Variants in PRR12 observed in about 807,000 individuals in gnomAD.
PRR12 encodes proline-rich protein 12.
PRR12 carries 12 observed loss-of-function variants against 138.0 expected under a neutral mutation model. That is an observed-to-expected ratio of 0.09 (90% confidence interval 0.06 to 0.14). PRR12 has a LOEUF of 0.14. Among genes scored for constraint, PRR12 ranks in the 10% least tolerant of loss-of-function variants. The probability of loss-of-function intolerance (pLI) is 1.00; values close to 1 mark genes in which losing one functional copy is unlikely to be tolerated. For missense variants in PRR12, 2,692 were observed against 2,861.3 expected, an observed-to-expected ratio of 0.94 and a Z score of 1.35; for synonymous variants, 1,567 against 1,291.7, an observed-to-expected ratio of 1.21 and a Z score of -4.57.
At chr19:49,600,962 T>G (rs1352814399) in intron 5 of PRR12, among the ~76,000 whole-genome samples, 1 of 152,096 alleles carries the variant, frequency 6.6e-6, no homozygotes, top group East Asian at 1.9e-4. Flanking sequence ...TGACCTCAAG[T>G]GATCCACCCA....
At chr19:49,605,367 A>G (rs1039284135) in intron 6 of PRR12, among the ~76,000 whole-genome samples, 1 of 151,908 alleles carries the variant, frequency 6.6e-6, no homozygotes, top group Middle Eastern at 3.2e-3. Context: ...GGTTCAAGCG[A>G]TTCTCCTGCC....
At chr19:49,606,213 T>G (rs2080837141) in intron 6 of PRR12, among the ~76,000 whole-genome samples, 1 of 151,996 alleles carries the variant, frequency 6.6e-6, no homozygotes, top group Non-Finnish European at 1.5e-5. Context: ...TCTGTTGTCC[T>G]GGCTGGTCTT....
At position 49,616,081 on chromosome 19, in the gene PRR12, A is replaced by C; in HGVS notation, c.5359A>C (p.Thr1787Pro). 1.9e-6 allele frequency: 3 copies of C among 1,568,700 alleles called. No individual in the cohort carries two copies. The highest frequency in any genetic ancestry group is 2.6e-6 in the Non-Finnish European group (3 of 1,157,530). The change falls in exon 9 of 14, where the codon ACC (threonine) becomes CCC (proline). Residue 1787 changes from threonine (T) to proline (P), a missense_variant. Thr to Pro is a conservative substitution (Grantham distance 38). This residue lies in a region of PRR12 where 259 missense variants were observed against 265.1 expected (regional missense o/e 0.98). Coordinates refer to ENST00000418929, the MANE Select transcript of PRR12 (RefSeq NM_020719.3). This position sits in a 1 kb window ranked among gnomAD's most constrained non-coding sequence, Gnocchi z 4.2. ...ATSRLPKARP[T>P]KVKAEPPPKK... is the part of the protein sequence containing the mutation. Reference sequence around the variant, plus strand: ...ATCCCGGCTGCCCAAAGCCCGGCCTACCAAGGTGAAGGCTGAACCGCCCCC... The same window carrying C: ...ATCCCGGCTGCCCAAAGCCCGGCCTCCCAAGGTGAAGGCTGAACCGCCCCC...
At chr19:49,615,373 C>G (rs2080886400) in intron 8 of PRR12, among the ~76,000 whole-genome samples, 1 of 150,408 alleles carries the variant, frequency 6.6e-6, no homozygotes, top group South Asian at 2.2e-4. Flanking sequence ...GACAGAGACC[C>G]AGAGACGGGA....
Position 49,598,031 on chromosome 19 carries a change from C to T in PRR12, c.3678+18C>T, listed in dbSNP as rs73586553. ...CACTTAAGGTGAGGGGAAATGGGGTCTTGTAGGGGATAGGGGAGGAGGAGC... is the reference window on the plus strand; with the variant it reads ...CACTTAAGGTGAGGGGAAATGGGGTTTTGTAGGGGATAGGGGAGGAGGAGC... On this transcript the variant is annotated intron_variant, in intron 4 of 13. Coordinates refer to ENST00000418929, the MANE Select transcript of PRR12 (RefSeq NM_020719.3). The T allele has an allele frequency of 4.7e-3, 6,326 of 1,331,928 alleles. 279 individuals carry two copies. In the African/African-American group the frequency reaches 0.088, roughly 19 times the overall value. The allele number at this position is 1,331,928 out of a possible 1,614,324, so 82.5% of individuals were successfully genotyped here. A position where few individuals can be genotyped will look rare whatever the true frequency, so the allele number is the denominator to read the frequency against.
rs774901947 is a variant in PRR12 at position 49,596,592 on chromosome 19, G to A, written c.2257G>A (p.Ala753Thr). Reference protein sequence around the residue: ...ATSVVHYGAGAKELGAFLQKS... With the variant: ...ATSVVHYGAGTKELGAFLQKS... ...CTCTGTTGTCCACTACGGGGCAGGCGCCAAGGAGCTGGGGGCCTTCTTGCA... is the reference window on the plus strand; with the variant it reads ...CTCTGTTGTCCACTACGGGGCAGGCACCAAGGAGCTGGGGGCCTTCTTGCA... The change falls in exon 4 of 14, where the codon GCC (alanine) becomes ACC (threonine). Residue 753 changes from alanine to threonine, a missense_variant. Ala to Thr is a moderately conservative substitution (Grantham distance 58, BLOSUM62 0). Transcript: ENST00000418929. This position sits in a 1 kb window ranked among gnomAD's most constrained non-coding sequence, Gnocchi z 5.6. 25 of 1,594,698 alleles carry A rather than the reference G, an allele frequency of 1.6e-5. No individual in the cohort carries two copies. The highest frequency in any genetic ancestry group is 9.0e-5 in the South Asian group (8 of 88,966).
Position 49,596,609 on chromosome 19 carries a change from C to G in PRR12, c.2274C>G (p.Ala758=). 6.3e-7 allele frequency: 1 copy of G among 1,593,912 alleles called. No homozygotes were observed. Among genetic ancestry groups the G allele is most frequent in the Non-Finnish European group, 8.5e-7 (1 of 1,170,866 alleles). ...GGGCAGGCGCCAAGGAGCTGGGGGC[C>G]TTCTTGCAAAAGAGCCCTCCGCCCC... The part of the protein sequence containing the change: ...HYGAGAKELG[A]FLQKSPPPPP... The change falls in exon 4 of 14, where the codon GCC becomes GCG. Residue 758 remains alanine, a synonymous_variant. Transcript: ENST00000418929. The surrounding 1 kb of genome is among the most constrained non-coding windows in gnomAD (Gnocchi z 5.6).
In PRR12 at chr19:49,610,340, C is replaced by T. The variant is rs368178192; in HGVS notation, c.4774-4193C>T. ...TGTCTGTAGCTCAGTGGCTTACATC[C>T]GCACTGCTTACACCACATGTCTTAG... On this transcript the variant is annotated intron_variant, in intron 6 of 13. Coordinates refer to ENST00000418929, the MANE Select transcript of PRR12 (RefSeq NM_020719.3). Among the ~76,000 whole-genome samples the T allele has an allele frequency of 8.7e-4, 133 of 152,212 alleles. 1 individual carries two copies. Among genetic ancestry groups the T allele is most frequent in the African/African-American group, 2.4e-3 (98 of 41,532 alleles).
intron 4 of PRR12, 122 bp downstream of exon 4, chr19:49,598,135 A>G (rs962839891): frequency 6.3e-5 from 69 of 1,102,984 alleles, no homozygotes; most frequent in African/African-American, 9.9e-5. Flanking sequence ...GTGCAGTGGC[A>G]CGATCTCGGT....
rs1204758087 is a variant in PRR12 at position 49,625,895 on chromosome 19, AC to A, written c.*295del. 4 of 217,752 alleles carry A rather than the reference AC, an allele frequency of 1.8e-5. No individual in the cohort carries two copies. The highest frequency in any genetic ancestry group is 1.7e-5 in the Non-Finnish European group (2 of 115,010). The allele number at this position is 217,752 out of a possible 1,614,324, so 13.5% of individuals were successfully genotyped here. The stretch of plus-strand genomic sequence containing the variant: ...ACGGTTTCCCTCTCCCCTTGCCCCG[AC>A]CCCCCCTCCACAGCCACAGCCCCCG... On this transcript the variant is annotated 3_prime_UTR_variant, in exon 14 of 14. Transcript: ENST00000418929. This position sits in a 1 kb window ranked among gnomAD's most constrained non-coding sequence, Gnocchi z 5.5.
In PRR12 at chr19:49,595,438, C is replaced by T. The variant is rs924241493; in HGVS notation, c.1103C>T (p.Ala368Val). 6.5e-7 allele frequency: 1 copy of T among 1,547,298 alleles called. No homozygotes were observed. The highest frequency in any genetic ancestry group is 8.7e-7 in the Non-Finnish European group (1 of 1,146,464). The change falls in exon 4 of 14, where the codon GCA becomes GTA. Residue 368 changes from alanine to valine, a missense_variant. This residue lies in a region of PRR12 where 523 missense variants were observed against 496.4 expected (regional missense o/e 1.05). Transcript: ENST00000418929. ...ASGRATGPEAAGGGGAGGGGG... is the reference protein window; with the variant it reads ...ASGRATGPEAVGGGGAGGGGG... ...GGCCGGGCCACGGGCCCTGAGGCAG[C>T]AGGGGGCGGTGGGGCTGGGGGTGGT...
chr19:49,591,723 G>T lies in PRR12; in HGVS notation c.69G>T (p.Glu23Asp). Residue 23 changes from glutamate (E) to aspartate (D), a missense_variant, in exon 1 of 14, where the codon GAG becomes GAT. Glu to Asp is a conservative substitution (Grantham distance 45). Around this residue, in one of 11 missense-constraint regions of PRR12, gnomAD observed 211 missense variants for 266.3 expected, o/e 0.79. Transcript: ENST00000418929. ...PLGAGAGWSY[E>D]RSAKASLVYG... ...GCGCCGGGGCGGGATGGAGTTACGAGAGGTCAGCGAAAGCTAGGTAAGGAG... is the reference window on the plus strand; with the variant it reads ...GCGCCGGGGCGGGATGGAGTTACGATAGGTCAGCGAAAGCTAGGTAAGGAG... The T allele has an allele frequency of 6.6e-7, 1 of 1,503,812 alleles. No individual in the cohort carries two copies. Among genetic ancestry groups the T allele is most frequent in the Admixed American group, 2.3e-5 (1 of 44,062 alleles). The allele number at this position is 1,503,812 out of a possible 1,614,324, so 93.2% of individuals were successfully genotyped here. A position where few individuals can be genotyped will look rare whatever the true frequency, so the allele number is the denominator to read the frequency against.
chr19:49,595,158 C>G lies in PRR12; in HGVS notation c.823C>G (p.Pro275Ala). 6.2e-7 allele frequency: 1 copy of G among 1,610,968 alleles called. No homozygotes were observed. ...TAACTTCTCGGGTGCTGCCCCGGGC[C>G]CACCGCCGCCTGAGCGGGCCCTGCC... ...LYNFSGAAPG[P>A]PPPERALPRQ... Residue 275 changes from proline to alanine, a missense_variant, in exon 4 of 14, where the codon CCA becomes GCA. Pro to Ala is a conservative substitution (Grantham distance 27, BLOSUM62 -1). This residue lies in a region of PRR12 where 523 missense variants were observed against 496.4 expected (regional missense o/e 1.05). Transcript: ENST00000418929.
chr19:49,610,013 C>T (rs1446008444), intron 6 of PRR12, among the ~76,000 whole-genome samples: 2 of 150,742 alleles, frequency 1.3e-5, no homozygotes, highest in East Asian at 2.0e-4. Context: ...TCGCTCTTGT[C>T]CCCCAGACTG....
chr19:49,619,236 T>TTTG (rs1434214785), intron 9 of PRR12, among the ~76,000 whole-genome samples: 64 of 144,962 alleles, frequency 4.4e-4, no homozygotes, highest in Middle Eastern at 3.5e-3. Context: ...TTTTTTTTTT[T>TTTG]TTTTTTTTTT....
At chr19:49,606,474 G>C (rs182629266) in intron 6 of PRR12, among the ~76,000 whole-genome samples, 1 of 151,320 alleles carries the variant, frequency 6.6e-6, no homozygotes, top group Non-Finnish European at 1.5e-5. Context: ...ACCACGTCAG[G>C]CTAATTTTTG....
rs1449836912 is a variant in PRR12 at position 49,616,055 on chromosome 19, C to T, written c.5333C>T (p.Thr1778Ile). Residue 1778 changes from threonine (T) to isoleucine (I), a missense_variant, in exon 9 of 14, where the codon ACA becomes ATA. Transcript: ENST00000418929. This position sits in a 1 kb window ranked among gnomAD's most constrained non-coding sequence, Gnocchi z 4.2. Reference sequence around the variant, plus strand: ...AGTCTCGCCACGGGACAACCTGCCACATCCCGGCTGCCCAAAGCCCGGCCT... The same window carrying T: ...AGTCTCGCCACGGGACAACCTGCCATATCCCGGCTGCCCAAAGCCCGGCCT... ...ERSLATGQPA[T>I]SRLPKARPTK... The T allele has an allele frequency of 1.9e-6, 3 of 1,562,084 alleles. No individual in the cohort carries two copies. Among genetic ancestry groups the T allele is most frequent in the Non-Finnish European group, 2.6e-6 (3 of 1,153,830 alleles).
Position 49,597,057 on chromosome 19 carries a change from G to A in PRR12, c.2722G>A (p.Asp908Asn). Residue 908 changes from aspartate (D) to asparagine (N), a missense_variant, in exon 4 of 14, where the codon GAT becomes AAT. Around this residue, in one of 11 missense-constraint regions of PRR12, gnomAD observed 840 missense variants for 689.8 expected, o/e 1.22. Coordinates refer to ENST00000418929, the MANE Select transcript of PRR12 (RefSeq NM_020719.3). This position sits in a 1 kb window ranked among gnomAD's most constrained non-coding sequence, Gnocchi z 6.3. ...AGGCCCACCAAACTCGGAGGGCAAGGATCCCGCAGGCGCCTACCGCAGCCC... is the reference window on the plus strand; with the variant it reads ...AGGCCCACCAAACTCGGAGGGCAAGAATCCCGCAGGCGCCTACCGCAGCCC... ...GVGPPNSEGK[D>N]PAGAYRSPSP... 6.4e-7 allele frequency: 1 copy of A among 1,553,424 alleles called. No individual in the cohort carries two copies. The highest frequency in any genetic ancestry group is 1.2e-5 in the South Asian group (1 of 84,266).
chr19:49,611,937 A>C lies in PRR12; in HGVS notation c.4774-2596A>C, dbSNP rs1346443580. 3.0e-5 allele frequency among the ~76,000 whole-genome samples: 4 copies of C among 133,986 alleles called. 1 individual carries two copies. The East Asian group carries it at 8.9e-4, about 30-fold the overall frequency. The allele number at this position is 133,986 out of a possible 152,430, so 87.9% of individuals were successfully genotyped here. A position where few individuals can be genotyped will look rare whatever the true frequency, so the allele number is the denominator to read the frequency against. On this transcript the variant is annotated intron_variant, in intron 6 of 13. Transcript: ENST00000418929. ...GACTCCGTCTCAAAAAAAAAAAAAA[A>C]AAAAAAAAAAACAGGCCGGGCACAG... is the stretch of plus-strand genomic sequence containing the variant.
Sources: gnomAD v4.1 joint callset for allele counts (sites outside exome capture counted in the v4.1 genomes callset) on GRCh38, gnomAD v4.1.1 for gene constraint, gnomAD v4.1.1 regional missense constraint, Gnocchi (gnomAD v3.1) non-coding constraint, MANE v1.5 for transcripts, NCBI Gene and HGNC (gene_info 2026-07-23, HGNC 2026-07-21) for gene names.